ZNF366: variants seen among roughly 807,000 people sequenced by gnomAD.
The protein encoded by ZNF366 is zinc finger protein 366.
ZNF366 carries 20 observed loss-of-function variants against 47.2 expected under a neutral mutation model. The observed-to-expected ratio is 0.42, with a 90% CI of 0.30 to 0.62. The LOEUF is 0.62. ZNF366 is among the 20% of genes least tolerant of loss of function. The pLI, the probability that ZNF366 is intolerant of heterozygous loss-of-function variation, is 0.16. For missense variants in ZNF366, 987 were observed against 976.3 expected (o/e 1.01, Z -0.15); for synonymous variants, 421 against 395.1 (o/e 1.07, Z -0.78).
intron 4 of ZNF366, among the ~76,000 whole-genome samples, chr5:72,446,378 TG>T (rs1672708888): frequency 6.6e-6 from 1 of 152,234 alleles, no homozygotes; most frequent in Non-Finnish European, 1.5e-5. Flanking sequence ...AGAGGGCAGA[TG>T]GTCTCCTTCC....
At chr5:72,459,293 C>G (rs1015436043) in intron 2 of ZNF366, among the ~76,000 whole-genome samples, 23 of 152,122 alleles carry the variant, frequency 1.5e-4, no homozygotes, top group African/African-American at 5.3e-4. Flanking sequence ...GTCTTTCCTG[C>G]CAAGAAAACC....
rs375624025 is a variant in ZNF366 at position 72,468,783 on chromosome 5, T to C, written c.-14-7273A>G. ...TATTTGAGCTTGGAACAGCTGCTAG[T>C]GTGTTGGGGTTATCTCTGTCCTCGT... On this transcript the variant is annotated intron_variant, in intron 1 of 4. Transcript: ENST00000318442. Among the ~76,000 whole-genome samples, 424 of 152,294 alleles carry C rather than the reference T, an allele frequency of 2.8e-3. 3 individuals are homozygous for C. Among genetic ancestry groups the C allele is most frequent in the Non-Finnish European group, 2.9e-3 (198 of 68,028 alleles).
intron 3 of ZNF366, among the ~76,000 whole-genome samples, chr5:72,452,157 C>T (rs909205603): frequency 1.3e-5 from 2 of 152,224 alleles, no homozygotes; most frequent in African/African-American, 2.4e-5. Flanking sequence ...GAGCTGTGGC[C>T]TGCAGCTGAG....
chr5:72,495,811 T>C (rs1744101652), intron 1 of ZNF366, among the ~76,000 whole-genome samples: 1 of 152,138 alleles, frequency 6.6e-6, no homozygotes, highest in African/African-American at 2.4e-5. Flanking sequence ...CTGGTATGGC[T>C]GACCTGGGTC....
In ZNF366 at chr5:72,443,757, T is replaced by TA; in HGVS notation, c.2233dup (p.Ter745LeufsTer6). 1 of 1,608,708 alleles carries TA rather than the reference T, an allele frequency of 6.2e-7. No homozygotes were observed. The highest frequency in any genetic ancestry group is 2.2e-5 in the East Asian group (1 of 44,778). On this transcript the variant is annotated frameshift_variant and stop_lost, in exon 5 of 5. Coordinates refer to ENST00000318442, the MANE Select transcript of ZNF366 (RefSeq NM_152625.3). LOFTEE classifies it high-confidence loss of function. ...AAATGTAATTTTAAAACTGTCCACT[T>TA]AGATACCTAAAAGCACTGCTTGTTT...
chr5:72,448,652 G>A (rs1156649680), intron 3 of ZNF366, among the ~76,000 whole-genome samples: 2 of 152,138 alleles, frequency 1.3e-5, no homozygotes, highest in Non-Finnish European at 2.9e-5. Flanking sequence ...CTCAGGGTGA[G>A]GCATCCTCTG....
intron 1 of ZNF366, among the ~76,000 whole-genome samples, chr5:72,487,066 C>A (rs931745241): frequency 2.0e-5 from 3 of 152,308 alleles, no homozygotes; most frequent in South Asian, 4.2e-4. Flanking sequence ...TGAGCCACTA[C>A]GCCCTGATTC....
In ZNF366 at chr5:72,443,534, A is replaced by G. The variant is rs1742896752; in HGVS notation, c.*222T>C. The G allele has an allele frequency of 2.0e-6, 1 of 512,174 alleles. No individual in the cohort carries two copies. Among genetic ancestry groups the G allele is most frequent in the Non-Finnish European group, 3.4e-6 (1 of 291,998 alleles). 31.7% of individuals were successfully genotyped at this position (512,174 alleles called of 1,614,324 possible). A position where few individuals can be genotyped will look rare whatever the true frequency, so the allele number is the denominator to read the frequency against. ...ACAGTTTATTATACTGGCAATGCATAAAACGCCACTGATGAAGACCCTGCA... is the reference window on the plus strand; with the variant it reads ...ACAGTTTATTATACTGGCAATGCATGAAACGCCACTGATGAAGACCCTGCA... On this transcript the variant is annotated 3_prime_UTR_variant, in exon 5 of 5. Coordinates refer to ENST00000318442, the MANE Select transcript of ZNF366 (RefSeq NM_152625.3).
At chr5:72,453,155 G>C (rs908480315) in intron 3 of ZNF366, among the ~76,000 whole-genome samples, 2 of 152,202 alleles carry the variant, frequency 1.3e-5, no homozygotes, top group East Asian at 3.8e-4. Flanking sequence ...TGAGCACTGG[G>C]CTGGAGAAGA....
At chr5:72,460,015 GGGCTC>G (rs1474558899) in intron 2 of ZNF366, 145 bp downstream of exon 2, 2 of 1,081,974 alleles carry the variant, frequency 1.8e-6, no homozygotes, top group Non-Finnish European at 2.6e-6. Flanking sequence ...AAGGACCTCA[GGGCTC>G]GGCCAAGGGA....
intron 1 of ZNF366, among the ~76,000 whole-genome samples, chr5:72,495,143 A>T (rs1744086945): frequency 6.6e-6 from 1 of 152,118 alleles, no homozygotes; most frequent in Non-Finnish European, 1.5e-5. Flanking sequence ...CCATTTCATC[A>T]CTGCCAGGGC....
rs1428445869 is a variant in ZNF366 at position 72,447,322 on chromosome 5, G to T, written c.1620C>A (p.Ser540Arg). ...TCAGGTTCCCCTTCAGGGTGAATTTGCTTGGGCAATAGAGGCACTTGAAGG... is the reference window on the plus strand; with the variant it reads ...TCAGGTTCCCCTTCAGGGTGAATTTTCTTGGGCAATAGAGGCACTTGAAGG... ...SKPFKCLYCPSKFTLKGNLTR... is the reference protein window; with the variant it reads ...SKPFKCLYCPRKFTLKGNLTR... Residue 540 changes from serine (S) to arginine (R), a missense_variant, in exon 4 of 5, where the codon AGC (serine) becomes AGA (arginine). This residue lies in a region of ZNF366 where 111 missense variants were observed against 180.5 expected (regional missense o/e 0.61). Coordinates refer to ENST00000318442, the MANE Select transcript of ZNF366 (RefSeq NM_152625.3). The T allele has an allele frequency of 1.9e-6, 3 of 1,614,186 alleles. No individual in the cohort carries two copies. The highest frequency in any genetic ancestry group is 1.7e-5 in the Admixed American group (1 of 60,028).
intron 2 of ZNF366, 107 bp downstream of exon 2, chr5:72,460,058 C>T (rs1743267823): frequency 4.9e-6 from 7 of 1,438,814 alleles, no homozygotes; most frequent in South Asian, 1.4e-5. Flanking sequence ...CCCACCTCCT[C>T]GGGGTAAGGT....
At chr5:72,478,989 T>G (rs1160671437) in intron 1 of ZNF366, among the ~76,000 whole-genome samples, 1 of 152,234 alleles carries the variant, frequency 6.6e-6, no homozygotes, top group Non-Finnish European at 1.5e-5. Context: ...CCTCCCTGTT[T>G]TCCTCCAAGA....
chr5:72,477,972 G>A (rs144137215), intron 1 of ZNF366, among the ~76,000 whole-genome samples: 1 of 152,056 alleles, frequency 6.6e-6, no homozygotes, highest in Non-Finnish European at 1.5e-5. Flanking sequence ...CAGTTGTTGA[G>A]CCCACTTATA....
chr5:72,461,283 C>T lies in ZNF366; in HGVS notation c.214G>A (p.Glu72Lys), dbSNP rs932317991. 8 of 1,613,978 alleles carry T rather than the reference C, an allele frequency of 5.0e-6. No homozygotes were observed. The African/African-American group carries it at 9.3e-5, about 19-fold the overall frequency. Reference protein sequence around the residue: ...GDLDGFPGVFEGAGSRKRKSM... With the variant: ...GDLDGFPGVFKGAGSRKRKSM... ...TTCCGTTTCCTAGACCCTGCTCCTT[C>T]GAAGACCCCGGGGAACCCATCTAGG... is the stretch of plus-strand genomic sequence containing the variant. The change falls in exon 2 of 5, where the codon GAA becomes AAA. Residue 72 changes from glutamate (E) to lysine (K), a missense_variant. Transcript: ENST00000318442.
chr5:72,467,593 A>G (rs139478596), intron 1 of ZNF366, among the ~76,000 whole-genome samples: 337 of 152,306 alleles, frequency 2.2e-3, no homozygotes, highest in Non-Finnish European at 3.0e-3. Flanking sequence ...AATATTCTTG[A>G]AAGAGTCACA....
At position 72,485,492 on chromosome 5, in the gene ZNF366, C is replaced by CA. The variant is rs932748087; in HGVS notation, c.-15+21758dup. Among the ~76,000 whole-genome samples, 10 of 152,134 alleles carry CA rather than the reference C, an allele frequency of 6.6e-5. 1 individual carries two copies. The highest frequency in any genetic ancestry group is 5.9e-4 in the Admixed American group (9 of 15,272). On this transcript the variant is annotated intron_variant, in intron 1 of 4. Coordinates refer to ENST00000318442, the MANE Select transcript of ZNF366 (RefSeq NM_152625.3). ...TAGCAAATCCTACGGGCTCCATTTT[C>CA]AATGTCTGTCTAGAATCCAAGCACT...
rs907790880 is a variant in ZNF366, at chr5:72,443,557, G to A, written c.*199C>T. ...ATAAAACGCCACTGATGAAGACCCT[G>A]CACATGTGTGAAGGGTATCAAGGGC... is the stretch of plus-strand genomic sequence containing the variant. On this transcript the variant is annotated 3_prime_UTR_variant, in exon 5 of 5. Coordinates refer to ENST00000318442, the MANE Select transcript of ZNF366 (RefSeq NM_152625.3). 4 of 591,496 alleles carry A rather than the reference G, an allele frequency of 6.8e-6. No individual in the cohort carries two copies. Among genetic ancestry groups the A allele is most frequent in the Non-Finnish European group, 1.2e-5 (4 of 338,986 alleles). The allele number at this position is 591,496 out of a possible 1,614,324, so 36.6% of individuals were successfully genotyped here.
Sources: gnomAD v4.1 joint callset for allele counts (sites outside exome capture counted in the v4.1 genomes callset) on GRCh38, gnomAD v4.1.1 for gene constraint, gnomAD v4.1.1 regional missense constraint, MANE v1.5 for transcripts, NCBI Gene and HGNC (gene_info 2026-07-23, HGNC 2026-07-21) for gene names.